WWOX: variants seen among roughly 807,000 people sequenced by gnomAD.
The protein encoded by WWOX is WW domain-containing oxidoreductase.
In WWOX, 69 loss-of-function variants were observed where a neutral mutation model predicts 46.2. The ratio of observed to expected loss-of-function variants is 1.49; its 90% confidence interval spans 1.23 to 1.82. The LOEUF is 1.82. Among genes scored for constraint, WWOX ranks in the 40% most tolerant of loss-of-function variants. The pLI is 0.00. For synonymous variants in WWOX, 359 were observed against 202.6 expected (o/e 1.77, Z -6.56); for missense variants, 919 against 542.6 (o/e 1.69, Z -6.89).
In WWOX at chr16:78,553,265, A is replaced by G. The variant is rs145433535; in HGVS notation, c.1056+120513A>G. 481 of 152,468 alleles carry G rather than the reference A, an allele frequency of 3.2e-3. 2 individuals are homozygous for G. Among genetic ancestry groups the G allele is most frequent in the Non-Finnish European group, 5.8e-3 (398 of 68,142 alleles). 9.4% of individuals were successfully genotyped at this position (152,468 alleles called of 1,614,324 possible). ...TGTAACAAACCTGCACATCCTGCAC[A>G]TGTACCCTGGAACTTAAATTTTTTT... is the stretch of plus-strand genomic sequence containing the variant. On this transcript the variant is annotated intron_variant, in intron 8 of 8. Coordinates refer to ENST00000566780, the MANE Select transcript of WWOX (RefSeq NM_016373.4).
intron 8 of WWOX, among the ~76,000 whole-genome samples, chr16:78,765,177 G>A (rs564021339): frequency 2.6e-5 from 4 of 152,328 alleles, no homozygotes; most frequent in African/African-American, 7.2e-5. Flanking sequence ...TGTGGGGATT[G>A]GGGTGGGATA....
chr16:79,210,255 C>A (rs549779614), intron 8 of WWOX, among the ~76,000 whole-genome samples: 1 of 152,342 alleles, frequency 6.6e-6, no homozygotes, highest in Admixed American at 6.5e-5. Context: ...ATGACAACAA[C>A]AAACCCAAGT....
rs927486662 is a variant in WWOX at position 78,136,759 on chromosome 16, T to G, written c.409+21605T>G. Among the ~76,000 whole-genome samples, 8 of 152,150 alleles carry G rather than the reference T, an allele frequency of 5.3e-5. No individual in the cohort carries two copies. The East Asian group carries it at 1.5e-3, about 29-fold the overall frequency. On this transcript the variant is annotated intron_variant, in intron 4 of 8. Transcript: ENST00000566780. ...CTAACTGAGCAGTAAGACCACCCAT[T>G]AGGCAAATGGAAGACCAAAACATCA...
At chr16:78,178,584 G>C (rs1041111481) in intron 5 of WWOX, among the ~76,000 whole-genome samples, 5 of 152,180 alleles carry the variant, frequency 3.3e-5, no homozygotes, top group African/African-American at 9.6e-5. Flanking sequence ...ATAGATAGCA[G>C]GCCAGGTGCG....
chr16:78,920,350 C>G (rs1325318804), intron 8 of WWOX, among the ~76,000 whole-genome samples: 1 of 152,158 alleles, frequency 6.6e-6, no homozygotes, highest in Non-Finnish European at 1.5e-5. Context: ...TGCACAATAA[C>G]ATTGTCTCCC....
chr16:78,623,159 G>A (rs973121555), intron 8 of WWOX, among the ~76,000 whole-genome samples: 1 of 151,902 alleles, frequency 6.6e-6, no homozygotes, highest in African/African-American at 2.4e-5. Flanking sequence ...GGAGAACCCA[G>A]CTCAGCCATG....
At chr16:78,243,601 C>G (rs546404410) in intron 5 of WWOX, among the ~76,000 whole-genome samples, 3 of 152,280 alleles carry the variant, frequency 2.0e-5, no homozygotes, top group South Asian at 4.1e-4. Context: ...GGCTGGAATG[C>G]AGTGGCACCA....
chr16:78,823,958 G>C (rs1346766261), intron 8 of WWOX, among the ~76,000 whole-genome samples: 3 of 151,892 alleles, frequency 2.0e-5, no homozygotes, highest in East Asian at 3.9e-4. Flanking sequence ...GTTTTTTATT[G>C]AGATGGGGTC....
intron 8 of WWOX, among the ~76,000 whole-genome samples, chr16:78,919,063 G>T (rs1161187209): frequency 6.6e-6 from 1 of 152,012 alleles, no homozygotes; most frequent in Non-Finnish European, 1.5e-5. Flanking sequence ...CTGCCAAGGG[G>T]GGCTGTTCCT....
chr16:78,703,453 ATT>A (rs112258892), intron 8 of WWOX, among the ~76,000 whole-genome samples: 8 of 149,512 alleles, frequency 5.4e-5, no homozygotes, highest in African/African-American at 1.5e-4. Context: ...GTCTCTACAC[ATT>A]TTTTTTTTTA....
rs574818837 is a variant in WWOX, at chr16:78,882,678, G to C, written c.1057-328930G>C. Among the ~76,000 whole-genome samples the C allele has an allele frequency of 7.9e-5, 12 of 152,028 alleles. No individual in the cohort carries two copies. The East Asian group carries it at 1.9e-3, about 25-fold the overall frequency. On this transcript the variant is annotated intron_variant, in intron 8 of 8. Coordinates refer to ENST00000566780, the MANE Select transcript of WWOX (RefSeq NM_016373.4). ...AACTTTTGTATTTTTAGTAGAGACA[G>C]GGGTTTCACCTTGCTGGCCAGGCTG...
At chr16:78,692,574 C>T (rs1455572255) in intron 8 of WWOX, among the ~76,000 whole-genome samples, 2 of 152,292 alleles carry the variant, frequency 1.3e-5, no homozygotes, top group East Asian at 1.9e-4. Context: ...ATAGACGTTC[C>T]TCTCTGACTG....
chr16:78,304,564 T>A (rs1215284133), intron 5 of WWOX, among the ~76,000 whole-genome samples: 1 of 152,208 alleles, frequency 6.6e-6, no homozygotes, highest in Non-Finnish European at 1.5e-5. Flanking sequence ...CACTTCACAA[T>A]ATTTCATAGA....
Position 78,512,897 on chromosome 16 carries a change from A to T in WWOX, c.1056+80145A>T, listed in dbSNP as rs945149818. Among the ~76,000 whole-genome samples the T allele has an allele frequency of 4.6e-5, 7 of 152,276 alleles. No homozygotes were observed. In the East Asian group the frequency reaches 9.7e-4, roughly 21 times the overall value. On this transcript the variant is annotated intron_variant, in intron 8 of 8. Transcript: ENST00000566780. ...TTGGAAGAATCTGGATCTGCGTGTT[A>T]CCCAGTCTTACTTTTCAGGCAGTCC...
intron 8 of WWOX, among the ~76,000 whole-genome samples, chr16:79,082,553 T>C (rs867541273): frequency 6.6e-6 from 1 of 152,138 alleles, no homozygotes; most frequent in South Asian, 2.1e-4. Flanking sequence ...TCTTCATGGG[T>C]TGATCATTGT....
rs1303690358 is a variant in WWOX, at chr16:78,794,763, C to T, written c.1056+362011C>T. 1.3e-5 allele frequency among the ~76,000 whole-genome samples: 2 copies of T among 152,148 alleles called. 1 individual carries two copies. Among genetic ancestry groups the T allele is most frequent in the Middle Eastern group, 6.3e-3 (2 of 316 alleles). ...ATGCTGTGGCTGGAGAAGATGGAGACCCATGTGTTCAGGCTGTGAGCATAG... is the reference window on the plus strand; with the variant it reads ...ATGCTGTGGCTGGAGAAGATGGAGATCCATGTGTTCAGGCTGTGAGCATAG... On this transcript the variant is annotated intron_variant, in intron 8 of 8. Transcript: ENST00000566780.
At chr16:79,080,443 C>T (rs371429232) in intron 8 of WWOX, among the ~76,000 whole-genome samples, 1 of 152,204 alleles carries the variant, frequency 6.6e-6, no homozygotes, top group Non-Finnish European at 1.5e-5. Context: ...AATCCAAATT[C>T]CTGGGAGATA....
chr16:78,396,214 C>A (rs527912332), intron 6 of WWOX, among the ~76,000 whole-genome samples: 2 of 152,022 alleles, frequency 1.3e-5, no homozygotes, highest in Non-Finnish European at 2.9e-5. Context: ...TTTTTGATAA[C>A]TTTTTATGAT....
At chr16:78,901,727 G>A (rs1567636998) in intron 8 of WWOX, among the ~76,000 whole-genome samples, 1 of 152,174 alleles carries the variant, frequency 6.6e-6, no homozygotes, top group Non-Finnish European at 1.5e-5. Flanking sequence ...GTGCTTAAGC[G>A]ATCCACCTGC....
Sources: allele counts gnomAD v4.1 joint callset (sites outside exome capture counted in the v4.1 genomes callset), GRCh38; gene constraint gnomAD v4.1.1; transcripts MANE v1.5; gene names NCBI Gene and HGNC (gene_info 2026-07-23, HGNC 2026-07-21).